SLC8A2: variants seen among roughly 807,000 people sequenced by gnomAD.
SLC8A2 encodes sodium/calcium exchanger 2.
Under a neutral mutation model 70.2 loss-of-function variants are expected in SLC8A2, and 14 were observed. The ratio of observed to expected loss-of-function variants is 0.20; its 90% CI spans 0.13 to 0.31. The LOEUF is 0.31. Ranked by LOEUF, SLC8A2 falls within the 10% of genes least tolerant of loss-of-function variation. The pLI is 1.00. For missense variants in SLC8A2, 779 were observed against 1,320.1 expected, an observed-to-expected ratio of 0.59 and a Z score of 6.35; for synonymous variants, 575 against 594.3, an observed-to-expected ratio of 0.97 and a Z score of 0.47.
chr19:47,435,386 C>T (rs1967014028), intron 8 of SLC8A2, among the ~76,000 whole-genome samples: 1 of 152,038 alleles, frequency 6.6e-6, no homozygotes, highest in African/African-American at 2.4e-5. Context: ...CGACCGCCAC[C>T]TCCCACCTCG....
chr19:47,438,502 G>C (rs1967059524), intron 6 of SLC8A2, among the ~76,000 whole-genome samples: 1 of 151,998 alleles, frequency 6.6e-6, no homozygotes, highest in South Asian at 2.1e-4. Flanking sequence ...TAAGGAAAGG[G>C]GAGGACATCC....
chr19:47,461,288 C>A (rs1473990945), intron 2 of SLC8A2, among the ~76,000 whole-genome samples: 2 of 151,978 alleles, frequency 1.3e-5, no homozygotes, highest in Admixed American at 1.3e-4. Context: ...GTGGGTGGAT[C>A]ACTTGAGCTC....
At chr19:47,467,836 CAAAAA>C (rs35745146) in intron 1 of SLC8A2, among the ~76,000 whole-genome samples, 1 of 38,412 alleles carries the variant, frequency 2.6e-5, no homozygotes, top group African/African-American at 1.1e-4. Context: ...TCTAAAAATA[CAAAAA>C]AAAAAAAAAA....
At chr19:47,471,300 A>G (rs571806549) in intron 1 of SLC8A2, among the ~76,000 whole-genome samples, 1 of 152,078 alleles carries the variant, frequency 6.6e-6, no homozygotes, top group South Asian at 2.1e-4. Flanking sequence ...AGAGAAACCC[A>G]GGACTTAGAG....
chr19:47,461,729 A>G (rs557411191), intron 2 of SLC8A2, among the ~76,000 whole-genome samples: 64 of 152,346 alleles, frequency 4.2e-4, no homozygotes, highest in Admixed American at 7.8e-4. Context: ...GTATTAATTG[A>G]ACCTACCATT....
intron 3 of SLC8A2, among the ~76,000 whole-genome samples, chr19:47,451,308 C>CTTTTTT (rs1555749092): frequency 6.7e-6 from 1 of 150,358 alleles, no homozygotes; most frequent in African/African-American, 2.5e-5. Flanking sequence ...GCGCCCAGAC[C>CTTTTTT]TTTTTTTTGT....
rs1190363873 is a variant in SLC8A2, at chr19:47,447,098, C to A, written c.1763+711G>T. Among the ~76,000 whole-genome samples, 1 of 151,848 alleles carries A rather than the reference C, an allele frequency of 6.6e-6. No homozygotes were observed. Among genetic ancestry groups the A allele is most frequent in the Non-Finnish European group, 1.5e-5 (1 of 67,972 alleles). Reference sequence around the variant, plus strand: ...AGGTGCCCCGCTATTTCCCCAGGTTCTTCCTCATACCCAGAAGCCCCACCC... The same window carrying A: ...AGGTGCCCCGCTATTTCCCCAGGTTATTCCTCATACCCAGAAGCCCCACCC... On this transcript the variant is annotated intron_variant, in intron 4 of 9. Transcript: ENST00000236877. This position sits in a 1 kb window ranked among gnomAD's most constrained non-coding sequence, Gnocchi z 5.1.
At chr19:47,461,799 C>T (rs1967398604) in intron 2 of SLC8A2, among the ~76,000 whole-genome samples, 1 of 152,190 alleles carries the variant, frequency 6.6e-6, no homozygotes, top group Non-Finnish European at 1.5e-5. Context: ...CTAAGATTTT[C>T]CTTCCTCCCT....
intron 4 of SLC8A2, among the ~76,000 whole-genome samples, chr19:47,443,619 C>G (rs1229205129): frequency 6.6e-6 from 1 of 152,252 alleles, no homozygotes; most frequent in Non-Finnish European, 1.5e-5. Context: ...CCACCACAGC[C>G]TTGGCGACAT....
intron 3 of SLC8A2, among the ~76,000 whole-genome samples, chr19:47,454,750 C>T (rs532689233): frequency 1.3e-5 from 2 of 152,234 alleles, no homozygotes; most frequent in African/African-American, 4.8e-5. Context: ...AGACTGGCTA[C>T]AAAAAGCAGC....
chr19:47,438,534 A>G (rs554063634), intron 6 of SLC8A2, among the ~76,000 whole-genome samples: 29 of 152,158 alleles, frequency 1.9e-4, no homozygotes, highest in African/African-American at 6.3e-4. Flanking sequence ...AAATCTTGGA[A>G]CCAGACCCAC....
chr19:47,445,404 C>T (rs1044911502), intron 4 of SLC8A2, among the ~76,000 whole-genome samples: 1 of 152,112 alleles, frequency 6.6e-6, no homozygotes, highest in Non-Finnish European at 1.5e-5. Context: ...CCACCGTGCC[C>T]GACCTCTAAG....
At chr19:47,434,213 T>G (rs147625772) in intron 8 of SLC8A2, among the ~76,000 whole-genome samples, 12 of 152,376 alleles carry the variant, frequency 7.9e-5, no homozygotes, top group Middle Eastern at 3.4e-3. Context: ...CGCATCACTA[T>G]GTCAGTTGAG....
intron 2 of SLC8A2, among the ~76,000 whole-genome samples, chr19:47,463,592 G>A (rs1967423200): frequency 6.7e-6 from 1 of 149,384 alleles, no homozygotes; most frequent in Admixed American, 6.7e-5. Context: ...ATTAGCTGAC[G>A]TGGTGGAACA....
intron 1 of SLC8A2, among the ~76,000 whole-genome samples, chr19:47,470,237 C>G (rs575965647): frequency 1.6e-4 from 25 of 152,106 alleles, no homozygotes; most frequent in Admixed American, 1.4e-3. Context: ...AAACTGAGGC[C>G]CAGAGGAGGA....
intron 1 of SLC8A2, among the ~76,000 whole-genome samples, chr19:47,469,104 G>A (rs1330336140): frequency 1.3e-5 from 2 of 148,336 alleles, no homozygotes; most frequent in African/African-American, 5.0e-5. Flanking sequence ...AGCAAGCGAG[G>A]AGCATGCCTG....
Position 47,429,782 on chromosome 19 carries a change from T to G in SLC8A2, c.*307A>C, listed in dbSNP as rs1599841534. 10 of 407,268 alleles carry G rather than the reference T, an allele frequency of 2.5e-5. No homozygotes were observed. Among genetic ancestry groups the G allele is most frequent in the Admixed American group, 4.5e-5 (1 of 22,452 alleles). 25.2% of individuals were successfully genotyped at this position (407,268 alleles called of 1,614,324 possible). On this transcript the variant is annotated 3_prime_UTR_variant, in exon 10 of 10. Coordinates refer to ENST00000236877, the MANE Select transcript of SLC8A2 (RefSeq NM_015063.3). ...AACTCCCCAGGATGGTTACTGGGGG[T>G]GGTTCCCTGGGGAGGGGACTGGGGT...
At chr19:47,460,517 G>A (rs1201061057) in intron 2 of SLC8A2, among the ~76,000 whole-genome samples, 1 of 152,086 alleles carries the variant, frequency 6.6e-6, no homozygotes, top group Admixed American at 6.5e-5. Flanking sequence ...GGCCAACATG[G>A]TGAAACCCCA....
intron 2 of SLC8A2, among the ~76,000 whole-genome samples, chr19:47,460,719 G>C (rs1023887317): frequency 9.3e-5 from 14 of 150,648 alleles, no homozygotes. Flanking sequence ...GAAAGAAAAA[G>C]AAAAAAAAGA....
Sources: gnomAD v4.1 joint callset for allele counts (sites outside exome capture counted in the v4.1 genomes callset) on GRCh38, gnomAD v4.1.1 for gene constraint, Gnocchi (gnomAD v3.1) non-coding constraint, MANE v1.5 for transcripts, NCBI Gene and HGNC (gene_info 2026-07-23, HGNC 2026-07-21) for gene names.